DNAH14: variants seen among roughly 807,000 people sequenced by gnomAD.
The protein encoded by DNAH14 is axonemal beta dynein heavy chain 14.
DNAH14 carries 478 observed loss-of-function variants against 520.9 expected under a neutral mutation model. The ratio of observed to expected loss-of-function variants is 0.92; its 90% CI spans 0.85 to 0.99. The LOEUF (loss-of-function observed/expected upper bound fraction) is 0.99, where lower values mean the gene tolerates loss of function less well. DNAH14 is among the 50% of genes least tolerant of loss of function. DNAH14 has a pLI of 0.00. For missense variants in DNAH14, 4,831 were observed against 5,234.5 expected (o/e 0.92, Z 2.38); for synonymous variants, 1,581 against 1,757.2 (o/e 0.90, Z 2.51).
At chr1:225,162,258 A>G (rs2081587629) in intron 35 of DNAH14, among the ~76,000 whole-genome samples, 1 of 152,134 alleles carries the variant, frequency 6.6e-6, no homozygotes, top group Non-Finnish European at 1.5e-5. Flanking sequence ...CATTTATTGA[A>G]GTACGTTCCT....
chr1:225,326,781 A>G (rs1177342116), intron 64 of DNAH14, among the ~76,000 whole-genome samples: 4 of 152,202 alleles, frequency 2.6e-5, no homozygotes, highest in African/African-American at 9.6e-5. Context: ...AACTCTATGT[A>G]AACAAATTTA....
intron 26 of DNAH14, among the ~76,000 whole-genome samples, chr1:225,119,589 T>C (rs1379066517): frequency 6.6e-6 from 1 of 152,226 alleles, no homozygotes; most frequent in Non-Finnish European, 1.5e-5. Flanking sequence ...CAGAAAACTG[T>C]TCAGGATCTG....
intron 84 of DNAH14, 80 bp from the exon 85 acceptor site, chr1:225,398,440 T>C: frequency 6.7e-7 from 1 of 1,487,702 alleles, no homozygotes; most frequent in Non-Finnish European, 9.0e-7. Context: ...TCTGGATCGG[T>C]CGGCTCAATT....
intron 17 of DNAH14, among the ~76,000 whole-genome samples, chr1:225,058,509 G>T (rs1162962981): frequency 6.6e-6 from 1 of 152,104 alleles, no homozygotes; most frequent in Non-Finnish European, 1.5e-5. Flanking sequence ...TTTTTGAAGG[G>T]TGTTTTGTGT....
intron 38 of DNAH14, among the ~76,000 whole-genome samples, 152 bp downstream of exon 38, chr1:225,193,063 A>T (rs566035437): frequency 6.6e-6 from 1 of 152,206 alleles, no homozygotes; most frequent in Non-Finnish European, 1.5e-5. Flanking sequence ...GAGAAAAATT[A>T]TGTTATTAAA....
At chr1:225,079,669 A>ATTAT in intron 18 of DNAH14, 121 bp downstream of exon 18, 20 of 353,670 alleles carry the variant, frequency 5.7e-5, no homozygotes, top group Non-Finnish European at 7.4e-5. Flanking sequence ...TAATACAAGT[A>ATTAT]TTCTTTTTTT....
intron 12 of DNAH14, among the ~76,000 whole-genome samples, chr1:225,041,524 G>A (rs2067481217): frequency 6.6e-6 from 1 of 152,160 alleles, no homozygotes; most frequent in African/African-American, 2.4e-5. Flanking sequence ...ATAACGATGT[G>A]CACAGACCCA....
chr1:225,087,472 G>T (rs942516733), intron 21 of DNAH14, among the ~76,000 whole-genome samples: 1 of 152,232 alleles, frequency 6.6e-6, no homozygotes, highest in African/African-American at 2.4e-5. Flanking sequence ...CTTGCCTGAA[G>T]TAGCCAAATC....
intron 73 of DNAH14, among the ~76,000 whole-genome samples, chr1:225,355,916 C>T (rs948949844): frequency 7.2e-5 from 11 of 152,172 alleles, no homozygotes; most frequent in African/African-American, 1.9e-4. Flanking sequence ...CTCCTCCTGA[C>T]GGTTGCTGGC....
At position 225,042,925 on chromosome 1, in the gene DNAH14, A is replaced by G. The variant is rs2148225411; in HGVS notation, c.1579A>G (p.Ser527Gly). Reference protein sequence around the residue: ...VNLCLRIPAESDSSENSKENF... With the variant: ...VNLCLRIPAEGDSSENSKENF... ...TCTATGCTTGAGAATTCCTGCTGAG[A>G]GTGATTCTTCAGAAAATTCTAAAGA... Residue 527 changes from serine (S) to glycine (G), a missense_variant, in exon 13 of 86, where the codon AGT becomes GGT. Coordinates refer to ENST00000682510, the MANE Select transcript of DNAH14 (RefSeq NM_001367479.1). 5.2e-6 allele frequency: 8 copies of G among 1,551,770 alleles called. No homozygotes were observed. The highest frequency in any genetic ancestry group is 7.0e-6 in the Non-Finnish European group (8 of 1,147,020).
chr1:224,937,822 A>G (rs1303830431), intron 1 of DNAH14, among the ~76,000 whole-genome samples: 1 of 152,138 alleles, frequency 6.6e-6, no homozygotes, highest in African/African-American at 2.4e-5. Context: ...ATAGTAACCA[A>G]AACAGTATGA....
intron 35 of DNAH14, among the ~76,000 whole-genome samples, chr1:225,161,020 C>T (rs1289733076): frequency 3.3e-5 from 5 of 152,050 alleles, no homozygotes; most frequent in Admixed American, 3.3e-4. Context: ...CTAAGTGCTG[C>T]TTTAGTTATA....
intron 35 of DNAH14, among the ~76,000 whole-genome samples, chr1:225,160,592 T>G (rs1023899771): frequency 1.3e-5 from 2 of 152,136 alleles, no homozygotes; most frequent in African/African-American, 4.8e-5. Context: ...TTTATGAATT[T>G]AAAATTTATA....
chr1:224,945,307 C>T (rs941278210), intron 1 of DNAH14, among the ~76,000 whole-genome samples: 2 of 152,106 alleles, frequency 1.3e-5, no homozygotes, highest in African/African-American at 2.4e-5. Flanking sequence ...CTTGTGCATT[C>T]GTCACGTAGT....
chr1:224,962,946 A>G (rs1245475814), intron 4 of DNAH14, among the ~76,000 whole-genome samples: 1 of 152,158 alleles, frequency 6.6e-6, no homozygotes, highest in Non-Finnish European at 1.5e-5. Flanking sequence ...CACAAGGGGA[A>G]TACCCTTGCC....
intron 41 of DNAH14, among the ~76,000 whole-genome samples, chr1:225,219,837 C>A (rs2089860040): frequency 6.6e-6 from 1 of 152,066 alleles, no homozygotes; most frequent in Admixed American, 6.6e-5. Flanking sequence ...GTACCAAAAC[C>A]TGGCAGAGAT....
At chr1:225,334,880 ATATATGTGTG>A (rs1380493256) in intron 66 of DNAH14, among the ~76,000 whole-genome samples, 35 of 122,384 alleles carry the variant, frequency 2.9e-4, no homozygotes, top group South Asian at 1.3e-3. Context: ...CTCTCTACAT[ATATATGTGTG>A]TGTGTGTGTG....
chr1:224,958,510 C>T (rs1475130132), intron 3 of DNAH14, among the ~76,000 whole-genome samples: 1 of 151,910 alleles, frequency 6.6e-6, no homozygotes, highest in Non-Finnish European at 1.5e-5. Flanking sequence ...AAGACATAAT[C>T]TAAGCTGGAT....
At chr1:225,374,215 G>T (rs1288313027) in intron 77 of DNAH14, among the ~76,000 whole-genome samples, 2 of 46,182 alleles carry the variant, frequency 4.3e-5, no homozygotes, top group African/African-American at 6.6e-5. Flanking sequence ...ATTCTAGTAA[G>T]ACAAATGAAA....
Sources: gnomAD v4.1 joint callset for allele counts (sites outside exome capture counted in the v4.1 genomes callset) on GRCh38, gnomAD v4.1.1 for gene constraint, MANE v1.5 for transcripts, NCBI Gene and HGNC (gene_info 2026-07-23, HGNC 2026-07-21) for gene names.